Variants in ALKBH8 observed in about 807,000 individuals in gnomAD.
ALKBH8 encodes the protein tRNA (carboxymethyluridine(34)-5-O)-methyltransferase ALKBH8.
Under a neutral mutation model 59.8 loss-of-function variants are expected in ALKBH8, and 36 were observed. The observed-to-expected ratio is 0.60, with a 90% CI of 0.46 to 0.79. The LOEUF is 0.79. Among genes scored for constraint, ALKBH8 ranks in the 30% least tolerant of loss-of-function variants. The pLI is 0.00. For missense variants in ALKBH8, 768 were observed against 801.0 expected, an observed-to-expected ratio of 0.96 and a Z score of 0.50; for synonymous variants, 276 against 273.6, an observed-to-expected ratio of 1.01 and a Z score of -0.09.
intron 8 of ALKBH8, among the ~76,000 whole-genome samples, chr11:107,530,600 A>ACACACACAC (rs1863549727): frequency 7.6e-6 from 1 of 132,100 alleles, no homozygotes; most frequent in African/African-American, 3.0e-5. Context: ...CTCTCTTCCT[A>ACACACACAC]ACACACACAC....
At chr11:107,532,451 A>G in intron 7 of ALKBH8, 45 bp from the exon 8 acceptor site, 5 of 1,441,170 alleles carry the variant, frequency 3.5e-6, no homozygotes, top group Non-Finnish European at 4.9e-6. Context: ...AAAATTTCAT[A>G]TACTCCAAGG....
At chr11:107,565,088 A>C (rs1865078652) in intron 1 of ALKBH8, 1 of 159,462 alleles carries the variant, frequency 6.3e-6, no homozygotes, top group Admixed American at 6.2e-5. Flanking sequence ...ATTTAAGGGC[A>C]CAGACTTGGT....
chr11:107,522,771 A>T (rs1015281465), intron 9 of ALKBH8, among the ~76,000 whole-genome samples: 2 of 152,140 alleles, frequency 1.3e-5, no homozygotes, highest in African/African-American at 2.4e-5. Flanking sequence ...GTGCTATTGC[A>T]CTCCAGCACA....
chr11:107,556,370 C>T (rs1048421753), intron 3 of ALKBH8, among the ~76,000 whole-genome samples: 2 of 152,146 alleles, frequency 1.3e-5, no homozygotes, highest in Admixed American at 6.5e-5. Flanking sequence ...AAGATTGGTA[C>T]ATGATCATTT....
At chr11:107,514,448 G>C (rs913624772) in intron 10 of ALKBH8, among the ~76,000 whole-genome samples, 1 of 152,048 alleles carries the variant, frequency 6.6e-6, no homozygotes, top group Admixed American at 6.6e-5. Context: ...ATTTTAAAGT[G>C]AAATAAAAGA....
chr11:107,551,710 AT>A lies in ALKBH8; in HGVS notation c.700+97del, dbSNP rs369287000. The A allele has an allele frequency of 4.6e-3, 1,450 of 314,284 alleles. 4 individuals carry two copies. Among genetic ancestry groups the A allele is most frequent in the Non-Finnish European group, 5.9e-3 (1,140 of 192,936 alleles). The allele number at this position is 314,284 out of a possible 1,614,324, so 19.5% of individuals were successfully genotyped here. ...ACTCCATCTCAAAAAAAAAAAAATA[AT>A]AATAATAATAATAATAATATATCTG... On this transcript the variant is annotated intron_variant, in intron 6 of 11. Coordinates refer to ENST00000428149, the MANE Select transcript of ALKBH8 (RefSeq NM_138775.3).
chr11:107,514,188 C>CA (rs528490756), intron 10 of ALKBH8, among the ~76,000 whole-genome samples: 11 of 150,212 alleles, frequency 7.3e-5, no homozygotes, highest in African/African-American at 1.2e-4. Context: ...TTCAATTTAC[C>CA]AAAAAAAACA....
In ALKBH8 at chr11:107,504,975, T is replaced by C. The variant is rs765246505; in HGVS notation, c.1678A>G (p.Ile560Val). 1.9e-6 allele frequency: 3 copies of C among 1,551,772 alleles called. No homozygotes were observed. Among genetic ancestry groups the C allele is most frequent in the Middle Eastern group, 1.7e-4 (1 of 5,992 alleles). The stretch of plus-strand genomic sequence containing the variant: ...CATCCTCCTTCCTGAGAGTCATTAA[T>C]GCGGGGGACAGAAGATGCCGAGTCT... ...SRDSASSVPRINDSQEGGCNS... is the reference protein window; with the variant it reads ...SRDSASSVPRVNDSQEGGCNS... The change falls in exon 12 of 12, where the codon ATT becomes GTT. Residue 560 changes from isoleucine (I) to valine (V), a missense_variant. Physicochemically the swap from Ile to Val is conservative, Grantham distance 29. Transcript: ENST00000428149.
At chr11:107,565,104 A>G (rs1314370327) in intron 1 of ALKBH8, 1 of 166,126 alleles carries the variant, frequency 6.0e-6, no homozygotes, top group Non-Finnish European at 1.3e-5. Flanking sequence ...TTGGTGCCTG[A>G]CATACAACTG....
At chr11:107,538,138 T>C (rs1863898686) in intron 7 of ALKBH8, among the ~76,000 whole-genome samples, 1 of 152,158 alleles carries the variant, frequency 6.6e-6, no homozygotes, top group South Asian at 2.1e-4. Flanking sequence ...TCGCTCCTAT[T>C]TTATTACAGA....
At chr11:107,522,113 A>G (rs966488507) in intron 10 of ALKBH8, among the ~76,000 whole-genome samples, 186 bp downstream of exon 10, 8 of 152,202 alleles carry the variant, frequency 5.3e-5, no homozygotes, top group African/African-American at 9.6e-5. Flanking sequence ...AAAAAATTAT[A>G]TAATGATGGT....
chr11:107,532,361 T>C lies in ALKBH8; in HGVS notation c.817A>G (p.Met273Val), dbSNP rs751721712. 3.1e-6 allele frequency: 5 copies of C among 1,613,600 alleles called. No homozygotes were observed. In the East Asian group the frequency reaches 8.9e-5, roughly 29 times the overall value. The change falls in exon 8 of 12, where the codon ATG becomes GTG. Residue 273 changes from methionine (M) to valine (V), a missense_variant. Coordinates refer to ENST00000428149, the MANE Select transcript of ALKBH8 (RefSeq NM_138775.3). ...KHPDGIAVPV[M>V]LPRRSLLVMT... ...ACCAGCAAACTCCGACGAGGCAACA[T>C]AACTGGCACTGCAATGCCATCTGGG...
chr11:107,524,920 C>T (rs920403987), intron 9 of ALKBH8, among the ~76,000 whole-genome samples: 2 of 152,154 alleles, frequency 1.3e-5, no homozygotes, highest in Admixed American at 6.6e-5. Flanking sequence ...CTTGTACAGA[C>T]GATTCAAAAT....
chr11:107,505,168 T>C lies in ALKBH8; in HGVS notation c.1485A>G (p.Pro495=). The change falls in exon 12 of 12, where the codon CCA becomes CCG. Residue 495 remains proline (P), a synonymous_variant. Transcript: ENST00000428149. ...AGACATAAATGAGTGCCTTCCCACC[T>C]GGTCTCAGGAGTCGAACAATTTCTT... The part of the protein sequence containing the change: ...ALQEIVRLLR[P]GGKALIYVWA... The C allele has an allele frequency of 6.5e-7, 1 of 1,550,294 alleles. No homozygotes were observed. The highest frequency in any genetic ancestry group is 8.7e-7 in the Non-Finnish European group (1 of 1,146,298).
At chr11:107,548,881 C>T (rs1205690329) in intron 7 of ALKBH8, among the ~76,000 whole-genome samples, 2 of 151,140 alleles carry the variant, frequency 1.3e-5, no homozygotes, top group Admixed American at 6.6e-5. Flanking sequence ...GTCAGAGTCT[C>T]ACTCTGTCAC....
intron 1 of ALKBH8, among the ~76,000 whole-genome samples, chr11:107,561,865 T>C (rs998554645): frequency 6.6e-6 from 1 of 152,178 alleles, no homozygotes; most frequent in Non-Finnish European, 1.5e-5. Flanking sequence ...CATGCAACCA[T>C]AATAAAGTAC....
intron 8 of ALKBH8, among the ~76,000 whole-genome samples, chr11:107,529,957 C>T (rs1863516981): frequency 6.6e-6 from 1 of 152,110 alleles, no homozygotes; most frequent in Non-Finnish European, 1.5e-5. Context: ...CTGTAGGGAA[C>T]TAGAGAAGTA....
At chr11:107,546,472 G>A (rs1035367734) in intron 7 of ALKBH8, among the ~76,000 whole-genome samples, 5 of 152,112 alleles carry the variant, frequency 3.3e-5, no homozygotes, top group African/African-American at 4.8e-5. Flanking sequence ...CATATAACCC[G>A]ATGCAGCCTA....
At chr11:107,530,824 C>T (rs1213558379) in intron 8 of ALKBH8, among the ~76,000 whole-genome samples, 1 of 152,074 alleles carries the variant, frequency 6.6e-6, no homozygotes, top group Non-Finnish European at 1.5e-5. Context: ...GCATAACATG[C>T]TTTCAGTAAG....
Sources: allele counts gnomAD v4.1 joint callset (sites outside exome capture counted in the v4.1 genomes callset), GRCh38; gene constraint gnomAD v4.1.1; transcripts MANE v1.5; gene names NCBI Gene and HGNC (gene_info 2026-07-23, HGNC 2026-07-21).